TSHZ2: variants seen among roughly 807,000 people sequenced by gnomAD.
The protein encoded by TSHZ2 is teashirt zinc finger homeobox 2.
In TSHZ2, 21 loss-of-function variants were observed where a neutral mutation model predicts 74.4. The observed-to-expected ratio is 0.28, with a 90% CI of 0.20 to 0.41. TSHZ2 has a LOEUF of 0.41. Among genes scored for constraint, TSHZ2 ranks in the 10% least tolerant of loss-of-function variants. The probability of loss-of-function intolerance (pLI) is 1.00; values close to 1 mark genes in which losing one functional copy is unlikely to be tolerated. For synonymous variants in TSHZ2, 540 were observed against 515.3 expected (o/e 1.05, Z -0.65); for missense variants, 1,244 against 1,293.5 (o/e 0.96, Z 0.59).
chr20:53,029,806 C>T (rs916775373), intron 1 of TSHZ2, among the ~76,000 whole-genome samples: 1 of 150,124 alleles, frequency 6.7e-6, no homozygotes, highest in African/African-American at 2.5e-5. Flanking sequence ...TTATAAAACT[C>T]AAAGTGGGAG....
rs190547433 is a variant in TSHZ2 at position 53,183,853 on chromosome 20, G to T, written c.41-69646G>T. 3.8e-4 allele frequency among the ~76,000 whole-genome samples: 58 copies of T among 152,322 alleles called. 1 individual carries two copies. Among genetic ancestry groups the T allele is most frequent in the Admixed American group, 3.1e-3 (47 of 15,302 alleles). On this transcript the variant is annotated intron_variant, in intron 1 of 2. Coordinates refer to ENST00000371497, the MANE Select transcript of TSHZ2 (RefSeq NM_173485.6). ...GGGTCAACCATTCGAAGGAAACAAA[G>T]GTGTGAGAGCAAGGCTGCTCTGCAG...
chr20:53,450,363 A>G (rs1164107287), intron 2 of TSHZ2, among the ~76,000 whole-genome samples: 1 of 152,258 alleles, frequency 6.6e-6, no homozygotes, highest in Admixed American at 6.5e-5. Context: ...AGGTGCTCCA[A>G]AAATCTCAGG....
intron 2 of TSHZ2, among the ~76,000 whole-genome samples, chr20:53,306,297 A>G (rs1978542212): frequency 1.3e-5 from 2 of 152,188 alleles, no homozygotes; most frequent in Non-Finnish European, 1.5e-5. Flanking sequence ...GCAGGATTCC[A>G]TTAGCATCTT....
intron 2 of TSHZ2, among the ~76,000 whole-genome samples, chr20:53,307,479 C>T (rs769257406): frequency 5.9e-5 from 9 of 152,166 alleles, no homozygotes; most frequent in Admixed American, 1.3e-4. Flanking sequence ...GCCCCTTCTC[C>T]AGGCCATTAG....
rs1339098879 is a variant in TSHZ2 at position 53,491,306 on chromosome 20, C to T, written c.*4171C>T. The T allele has an allele frequency of 6.6e-6, 1 of 152,154 alleles. No individual in the cohort carries two copies. The highest frequency in any genetic ancestry group is 1.5e-5 in the Non-Finnish European group (1 of 68,018). The allele number at this position is 152,154 out of a possible 1,614,324, so 9.4% of individuals were successfully genotyped here. On this transcript the variant is annotated 3_prime_UTR_variant, in exon 3 of 3. Transcript: ENST00000371497. Reference sequence around the variant, plus strand: ...TGTATTTTTCCCCTTGTAAGATGTTCAAATGCTAACTTCATTTTCTCCTTT... The same window carrying T: ...TGTATTTTTCCCCTTGTAAGATGTTTAAATGCTAACTTCATTTTCTCCTTT...
chr20:53,246,332 T>G (rs1990203804), intron 1 of TSHZ2, among the ~76,000 whole-genome samples: 1 of 152,142 alleles, frequency 6.6e-6, no homozygotes, highest in African/African-American at 2.4e-5. Context: ...CGTGAGCCAC[T>G]GCACCTGGTG....
At chr20:53,152,658 T>C (rs1168814995) in intron 1 of TSHZ2, among the ~76,000 whole-genome samples, 2 of 152,206 alleles carry the variant, frequency 1.3e-5, no homozygotes, top group East Asian at 1.9e-4. Context: ...GGTATCTAGA[T>C]TGGATCTGGC....
chr20:53,454,998 A>C (rs1984996326), intron 2 of TSHZ2, among the ~76,000 whole-genome samples: 2 of 152,044 alleles, frequency 1.3e-5, no homozygotes, highest in South Asian at 2.1e-4. Flanking sequence ...GTTTTCCTTC[A>C]TGTAGTTATA....
chr20:53,137,312 TC>T (rs1406539601), intron 1 of TSHZ2, among the ~76,000 whole-genome samples: 1 of 150,958 alleles, frequency 6.6e-6, no homozygotes. Flanking sequence ...TTTTTTTTTT[TC>T]ATTCTAAACA....
chr20:53,346,088 G>A (rs951809599), intron 2 of TSHZ2, among the ~76,000 whole-genome samples: 16 of 152,346 alleles, frequency 1.1e-4, no homozygotes, highest in Admixed American at 3.3e-4. Context: ...ATTGTCTAGA[G>A]AAAGTTGTGC....
At chr20:53,270,257 A>C (rs1439285234) in intron 2 of TSHZ2, among the ~76,000 whole-genome samples, 4 of 152,112 alleles carry the variant, frequency 2.6e-5, no homozygotes. Flanking sequence ...GGTGCCTGCA[A>C]GTGTGTGCCC....
chr20:53,245,548 T>C (rs1344814757), intron 1 of TSHZ2, among the ~76,000 whole-genome samples: 1 of 152,210 alleles, frequency 6.6e-6, no homozygotes, highest in Non-Finnish European at 1.5e-5. Flanking sequence ...TTGCTAAATA[T>C]CTCTCTACTA....
chr20:53,233,276 G>A (rs1224806469), intron 1 of TSHZ2, among the ~76,000 whole-genome samples: 1 of 152,206 alleles, frequency 6.6e-6, no homozygotes, highest in Non-Finnish European at 1.5e-5. Flanking sequence ...AAGGCACAAA[G>A]TCCCTGCCCT....
At chr20:53,188,296 T>A in intron 1 of TSHZ2, among the ~76,000 whole-genome samples, 1 of 152,174 alleles carries the variant, frequency 6.6e-6, no homozygotes, top group East Asian at 1.9e-4. Flanking sequence ...CCGAGGGGAC[T>A]TTTGGAGAAG....
chr20:53,357,490 C>T (rs6126815), intron 2 of TSHZ2, among the ~76,000 whole-genome samples: 25,790 of 151,594 alleles, frequency 0.17, 2,786 homozygotes, highest in South Asian at 0.28. Flanking sequence ...CTTAGTGAGA[C>T]GCTGTCTCTA....
chr20:53,304,831 C>T (rs926382997), intron 2 of TSHZ2, among the ~76,000 whole-genome samples: 6 of 152,018 alleles, frequency 3.9e-5, no homozygotes. Context: ...GGGGTTTCGC[C>T]ATGTTAGCCA....
chr20:53,454,592 TG>T (rs1984972553), intron 2 of TSHZ2, among the ~76,000 whole-genome samples: 1 of 151,154 alleles, frequency 6.6e-6, no homozygotes, highest in Admixed American at 6.6e-5. Flanking sequence ...TAAAAACTAA[TG>T]TTAAATGTGT....
At chr20:53,375,588 C>T (rs1313706584) in intron 2 of TSHZ2, among the ~76,000 whole-genome samples, 1 of 152,164 alleles carries the variant, frequency 6.6e-6, no homozygotes, top group African/African-American at 2.4e-5. Flanking sequence ...ACGTAAAGCA[C>T]AAGCAAGCAA....
intron 2 of TSHZ2, among the ~76,000 whole-genome samples, chr20:53,297,923 A>G (rs779171205): frequency 6.6e-5 from 10 of 152,250 alleles, no homozygotes; most frequent in Non-Finnish European, 1.2e-4. Flanking sequence ...TCTTACAGAT[A>G]TCAAAGAATT....
Sources: gnomAD v4.1 joint callset for allele counts (sites outside exome capture counted in the v4.1 genomes callset) on GRCh38, gnomAD v4.1.1 for gene constraint, MANE v1.5 for transcripts, NCBI Gene and HGNC (gene_info 2026-07-23, HGNC 2026-07-21) for gene names.